The following PKHD1 variants were observed in gnomAD, a reference collection of about 807,000 sequenced individuals.
The protein encoded by PKHD1 is fibrocystin.
In PKHD1, 291 loss-of-function variants were observed where a neutral mutation model predicts 412.0. The observed-to-expected ratio is 0.71, with a 90% CI of 0.64 to 0.78. The LOEUF (loss-of-function observed/expected upper bound fraction) is 0.78, where lower values mean the gene tolerates loss of function less well. PKHD1 is among the 30% of genes least tolerant of loss of function. PKHD1 has a pLI of 0.00. For synonymous variants in PKHD1, 1,777 were observed against 1,821.5 expected (o/e 0.98, Z 0.62); for missense variants, 4,825 against 4,950.7 (o/e 0.97, Z 0.76).
chr6:51,739,109 TTATA>T lies in PKHD1; in HGVS notation c.10156+5272_10156+5275del, dbSNP rs1242123408. 6.8e-5 allele frequency among the ~76,000 whole-genome samples: 10 copies of T among 147,624 alleles called. No homozygotes were observed. The East Asian group carries it at 1.6e-3, about 23-fold the overall frequency. ...ATTTTAATATGTATTTTATATATAT[TTATA>T]TATTTTTTTACATATATATAAAATA... On this transcript the variant is annotated intron_variant, in intron 60 of 66. Coordinates refer to ENST00000371117, the MANE Select transcript of PKHD1 (RefSeq NM_138694.4).
At chr6:51,896,239 A>C (rs1250531171) in intron 43 of PKHD1, among the ~76,000 whole-genome samples, 1 of 151,976 alleles carries the variant, frequency 6.6e-6, no homozygotes, top group Non-Finnish European at 1.5e-5. Context: ...AGACAACAGT[A>C]ACCTCTGCAG....
At chr6:51,801,654 T>TGTGTGTGTGTGTGTGTGTGTGTGGGA (rs751203950) in intron 52 of PKHD1, among the ~76,000 whole-genome samples, 1 of 114,210 alleles carries the variant, frequency 8.8e-6, no homozygotes. Context: ...TGTGTGTGTG[T>TGTGTGTGTGTGTGTGTGTGTGTGGGA]GAGAGAGAGA....
At chr6:51,913,449 C>T (rs1432283367) in intron 37 of PKHD1, among the ~76,000 whole-genome samples, 1 of 152,060 alleles carries the variant, frequency 6.6e-6, no homozygotes, top group African/African-American at 2.4e-5. Flanking sequence ...GGTCATCTGT[C>T]TCACAGTTTA....
At chr6:52,061,521 G>C (rs1808666478) in intron 14 of PKHD1, among the ~76,000 whole-genome samples, 1 of 152,008 alleles carries the variant, frequency 6.6e-6, no homozygotes, top group Non-Finnish European at 1.5e-5. Context: ...AGTAAGTAAG[G>C]CTTCAGGAGA....
At chr6:51,738,054 C>T (rs1784081029) in intron 60 of PKHD1, among the ~76,000 whole-genome samples, 2 of 152,176 alleles carry the variant, frequency 1.3e-5, no homozygotes, top group African/African-American at 4.8e-5. Flanking sequence ...TGCCAAATTG[C>T]TGTGTTTCTA....
chr6:51,992,598 C>G (rs748357028), intron 35 of PKHD1, among the ~76,000 whole-genome samples: 9 of 152,188 alleles, frequency 5.9e-5, no homozygotes, highest in Admixed American at 5.9e-4. Flanking sequence ...AATTTTAGAA[C>G]AATTTTACCA....
intron 35 of PKHD1, among the ~76,000 whole-genome samples, chr6:52,007,679 G>C (rs1799265046): frequency 6.6e-6 from 1 of 152,194 alleles, no homozygotes; most frequent in Non-Finnish European, 1.5e-5. Context: ...TAGTCACTTA[G>C]TTATAAGCCC....
intron 60 of PKHD1, among the ~76,000 whole-genome samples, chr6:51,744,121 T>C (rs1171176567): frequency 6.6e-6 from 1 of 152,246 alleles, no homozygotes; most frequent in Non-Finnish European, 1.5e-5. Flanking sequence ...TCCTCCCAGC[T>C]GTGCACTAAG....
At chr6:51,754,758 C>A (rs1786683318) in intron 56 of PKHD1, 26 bp downstream of exon 56, 7 of 1,608,592 alleles carry the variant, frequency 4.4e-6, no homozygotes, top group Non-Finnish European at 6.0e-6. Context: ...CATTCACTTA[C>A]CTTAACCAAC....
Position 51,748,431 on chromosome 6 carries a change from T to C in PKHD1, c.9185A>G (p.Asn3062Ser). 1 of 1,614,070 alleles carries C rather than the reference T, an allele frequency of 6.2e-7. No homozygotes were observed. The highest frequency in any genetic ancestry group is 8.5e-7 in the Non-Finnish European group (1 of 1,179,962). The stretch of plus-strand genomic sequence containing the variant: ...CTGTGTCATCAGAACCACAAGGTTA[T>C]TAGTGACAGTATAGGCCTGACCCTC... ...DLEGQAYTVT[N>S]NLVVLMTQPA... Residue 3062 changes from asparagine to serine, a missense_variant, in exon 58 of 67, where the codon AAT becomes AGT. Transcript: ENST00000371117.
In PKHD1 at chr6:51,949,883, C is replaced by G. The variant is rs557990888; in HGVS notation, c.5908+9987G>C. Among the ~76,000 whole-genome samples the G allele has an allele frequency of 2.0e-5, 3 of 152,198 alleles. No individual in the cohort carries two copies. The South Asian group carries it at 6.2e-4, about 32-fold the overall frequency. On this transcript the variant is annotated intron_variant, in intron 36 of 66. Transcript: ENST00000371117. ...AGCCACACACACACAGAAGCAGAGGCTGCTGCTGCTGCTGTTTTTCCCATT... is the reference window on the plus strand; with the variant it reads ...AGCCACACACACACAGAAGCAGAGGGTGCTGCTGCTGCTGTTTTTCCCATT...
chr6:51,934,022 T>C (rs1225872092), intron 37 of PKHD1, 88 bp downstream of exon 37: 5 of 1,017,410 alleles, frequency 4.9e-6, no homozygotes, highest in Non-Finnish European at 7.8e-6. Context: ...GCTCAGCAAC[T>C]ATAGTCAAGG....
intron 66 of PKHD1, chr6:51,622,640 T>A (rs573180898): frequency 6.6e-6 from 1 of 152,194 alleles, no homozygotes; most frequent in Admixed American, 6.6e-5. Flanking sequence ...TGTATGACAA[T>A]TGAGGAGGCA....
chr6:52,012,802 C>G (rs1181155371), intron 34 of PKHD1, among the ~76,000 whole-genome samples: 1 of 152,270 alleles, frequency 6.6e-6, no homozygotes, highest in African/African-American at 2.4e-5. Context: ...CACTTATAAA[C>G]CTATCAGAAA....
At chr6:52,035,858 G>C (rs1252299326) in intron 27 of PKHD1, 137 bp from the exon 28 acceptor site, 1 of 835,458 alleles carries the variant, frequency 1.2e-6, no homozygotes, top group Non-Finnish European at 2.0e-6. Context: ...CAAACTGCAG[G>C]AAAAAAACTG....
At chr6:51,831,557 A>T (rs13201830) in intron 51 of PKHD1, among the ~76,000 whole-genome samples, 75,779 of 152,072 alleles carry the variant, frequency 0.5, 20,069 homozygotes, top group Middle Eastern at 0.65. Context: ...ATTCTCTGTT[A>T]AATTGTAAAT....
chr6:52,075,232 T>C (rs146306788), intron 6 of PKHD1, among the ~76,000 whole-genome samples: 1 of 152,354 alleles, frequency 6.6e-6, no homozygotes, highest in Admixed American at 6.5e-5. Context: ...TAATTTAAAT[T>C]CACTCATACA....
At chr6:51,805,098 G>T (rs548923128) in intron 52 of PKHD1, among the ~76,000 whole-genome samples, 3 of 152,210 alleles carry the variant, frequency 2.0e-5, no homozygotes, top group South Asian at 4.2e-4. Flanking sequence ...TCACAGCACT[G>T]CTCTCAGTAG....
intron 46 of PKHD1, among the ~76,000 whole-genome samples, chr6:51,871,826 C>T (rs913288534): frequency 8.5e-6 from 1 of 117,796 alleles, no homozygotes; most frequent in African/African-American, 2.8e-5. Flanking sequence ...TTGAGGATTA[C>T]CAGAATTTTT....
Sources: gnomAD v4.1 joint callset for allele counts (sites outside exome capture counted in the v4.1 genomes callset) on GRCh38, gnomAD v4.1.1 for gene constraint, MANE v1.5 for transcripts, NCBI Gene and HGNC (gene_info 2026-07-23, HGNC 2026-07-21) for gene names.